The following GULP1 variants were observed in gnomAD, a reference collection of about 807,000 sequenced individuals.
GULP1 encodes PTB domain-containing engulfment adapter protein 1.
A neutral mutation model predicts 40.9 loss-of-function variants in GULP1; 19 were observed. The observed-to-expected ratio is 0.46, with a 90% CI of 0.32 to 0.68. The LOEUF (loss-of-function observed/expected upper bound fraction) is 0.68. Ranked by LOEUF, GULP1 falls within the 30% of genes least tolerant of loss-of-function variation. The pLI is 0.03. For synonymous variants in GULP1, 119 were observed against 117.6 expected, an observed-to-expected ratio of 1.01 and a Z score of -0.08; for missense variants, 312 against 362.2, an observed-to-expected ratio of 0.86 and a Z score of 1.12.
intron 1 of GULP1, among the ~76,000 whole-genome samples, chr2:188,369,297 A>C (rs1411026023): frequency 6.6e-6 from 1 of 151,964 alleles, no homozygotes; most frequent in Non-Finnish European, 1.5e-5. Context: ...TATACAATCA[A>C]AGTTTTGTTC....
intron 1 of GULP1, among the ~76,000 whole-genome samples, chr2:188,370,053 C>G (rs2047399907): frequency 6.6e-6 from 1 of 152,024 alleles, no homozygotes; most frequent in Non-Finnish European, 1.5e-5. Context: ...GCTTTGTTGC[C>G]CAAGCTGCTG....
intron 2 of GULP1, among the ~76,000 whole-genome samples, chr2:188,393,022 T>C (rs1381658752): frequency 1.3e-5 from 2 of 152,088 alleles, no homozygotes; most frequent in Non-Finnish European, 2.9e-5. Context: ...TCTTGGAGAA[T>C]GTTTCATGAG....
intron 1 of GULP1, among the ~76,000 whole-genome samples, chr2:188,377,767 C>T (rs142144265): frequency 2.8e-4 from 43 of 152,220 alleles, no homozygotes; most frequent in East Asian, 1.9e-3. Flanking sequence ...GCTAATGCTA[C>T]GTAAAAGAAA....
At chr2:188,582,134 A>G (rs1559403966) in intron 9 of GULP1, among the ~76,000 whole-genome samples, 1 of 152,198 alleles carries the variant, frequency 6.6e-6, no homozygotes. Context: ...TCAGTAAAAA[A>G]AAGATCAAAT....
chr2:188,409,241 A>C (rs2053553217), intron 2 of GULP1, among the ~76,000 whole-genome samples: 1 of 152,162 alleles, frequency 6.6e-6, no homozygotes, highest in African/African-American at 2.4e-5. Flanking sequence ...TAAACTAAAA[A>C]ACTCAAATAA....
At chr2:188,317,791 G>A (rs1274270206) in intron 1 of GULP1, among the ~76,000 whole-genome samples, 2 of 141,066 alleles carry the variant, frequency 1.4e-5, no homozygotes, top group African/African-American at 5.6e-5. Context: ...AAGTGAATTA[G>A]TGAGGTTTTT....
intron 4 of GULP1, among the ~76,000 whole-genome samples, chr2:188,487,616 T>G (rs918728425): frequency 1.1e-5 from 1 of 92,660 alleles, no homozygotes; most frequent in Non-Finnish European, 2.2e-5. Flanking sequence ...ATGGAACATC[T>G]TAAAATCAAA....
rs147391785 is a variant in GULP1, at chr2:188,553,294, T to G, written c.399+11976T>G. Among the ~76,000 whole-genome samples, 707 of 152,156 alleles carry G rather than the reference T, an allele frequency of 4.6e-3. 5 individuals are homozygous for G. Among genetic ancestry groups the G allele is most frequent in the African/African-American group, 0.016 (663 of 41,560 alleles). ...GGAAAGGCTTTCAACATTTCTTCCTTCAGTGTGACATTAAGTGTGGATTTG... is the reference window on the plus strand; with the variant it reads ...GGAAAGGCTTTCAACATTTCTTCCTGCAGTGTGACATTAAGTGTGGATTTG... On this transcript the variant is annotated intron_variant, in intron 7 of 11. Coordinates refer to ENST00000409830, the MANE Select transcript of GULP1 (RefSeq NM_016315.4).
At chr2:188,533,308 G>A (rs984667458) in intron 6 of GULP1, among the ~76,000 whole-genome samples, 2 of 152,098 alleles carry the variant, frequency 1.3e-5, no homozygotes, top group African/African-American at 4.8e-5. Context: ...GTAGAGAATA[G>A]AGAACCCAAA....
intron 4 of GULP1, among the ~76,000 whole-genome samples, chr2:188,520,502 C>G (rs1477011305): frequency 6.7e-6 from 1 of 149,916 alleles, no homozygotes; most frequent in Non-Finnish European, 1.5e-5. Flanking sequence ...TGCACTCCAG[C>G]CTGGAAACAC....
chr2:188,344,067 C>G (rs2043311038), intron 1 of GULP1, among the ~76,000 whole-genome samples: 1 of 152,186 alleles, frequency 6.6e-6, no homozygotes, highest in Non-Finnish European at 1.5e-5. Flanking sequence ...CTCAGCCTCC[C>G]AAAGTGCTAG....
At chr2:188,411,967 G>T (rs1051426716) in intron 2 of GULP1, among the ~76,000 whole-genome samples, 2 of 152,162 alleles carry the variant, frequency 1.3e-5, no homozygotes, top group Non-Finnish European at 2.9e-5. Context: ...CTCTTCCTCT[G>T]TGAACTGATC....
intron 1 of GULP1, among the ~76,000 whole-genome samples, chr2:188,351,095 G>A (rs2044386578): frequency 6.6e-6 from 1 of 151,934 alleles, no homozygotes; most frequent in Admixed American, 6.6e-5. Flanking sequence ...AAAAATGGTT[G>A]GAATTTGACA....
chr2:188,345,367 C>T (rs2043501478), intron 1 of GULP1, among the ~76,000 whole-genome samples: 1 of 152,294 alleles, frequency 6.6e-6, no homozygotes, highest in East Asian at 1.9e-4. Context: ...CTTCACTACA[C>T]CTTAGGTACC....
At chr2:188,403,463 C>G (rs889601466) in intron 2 of GULP1, among the ~76,000 whole-genome samples, 15 of 152,150 alleles carry the variant, frequency 9.9e-5, no homozygotes, top group Admixed American at 9.2e-4. Context: ...ATAATTTAAA[C>G]TTACATTTGA....
chr2:188,303,341 G>C (rs1178068963), intron 1 of GULP1, among the ~76,000 whole-genome samples: 1 of 152,160 alleles, frequency 6.6e-6, no homozygotes, highest in Non-Finnish European at 1.5e-5. Flanking sequence ...AGCTGAAATA[G>C]TTAACCAAGT....
chr2:188,342,963 A>G (rs2152192731), intron 1 of GULP1, among the ~76,000 whole-genome samples: 1 of 152,322 alleles, frequency 6.6e-6, no homozygotes, highest in African/African-American at 2.4e-5. Context: ...CTGCTTCATG[A>G]TATAAAATGC....
chr2:188,313,224 G>A lies in GULP1; in HGVS notation c.-172+21058G>A, dbSNP rs574655288. 2.6e-5 allele frequency among the ~76,000 whole-genome samples: 4 copies of A among 152,164 alleles called. 1 individual carries two copies. The South Asian group carries it at 8.3e-4, about 32-fold the overall frequency. On this transcript the variant is annotated intron_variant, in intron 1 of 11. Transcript: ENST00000409830. ...CTGCGTCCTGAATGGTATTTCCCAG[G>A]TTTTCTCCTAGGGTTTTTATGGTTT...
intron 1 of GULP1, among the ~76,000 whole-genome samples, chr2:188,375,225 A>T (rs1017138821): frequency 6.6e-6 from 1 of 152,222 alleles, no homozygotes; most frequent in African/African-American, 2.4e-5. Flanking sequence ...GTGAAATTAT[A>T]TCCAATTATG....
Sources: allele counts gnomAD v4.1 joint callset (sites outside exome capture counted in the v4.1 genomes callset), GRCh38; gene constraint gnomAD v4.1.1; transcripts MANE v1.5; gene names NCBI Gene and HGNC (gene_info 2026-07-23, HGNC 2026-07-21).